The following UBE2L3 variants were observed in gnomAD, a reference collection of about 807,000 sequenced individuals.
UBE2L3 encodes ubiquitin conjugating enzyme E2 L3.
Under a neutral mutation model 17.8 loss-of-function variants are expected in UBE2L3, and 1 was observed. The observed-to-expected ratio is 0.06, with a 90% CI of 0.02 to 0.27. The LOEUF (loss-of-function observed/expected upper bound fraction) is 0.27. Among genes scored for constraint, UBE2L3 ranks in the 10% least tolerant of loss-of-function variants. The probability of loss-of-function intolerance (pLI) is 1.00; values close to 1 mark genes in which losing one functional copy is unlikely to be tolerated. For missense variants in UBE2L3, 40 were observed against 192.6 expected (o/e 0.21, Z 4.69); for synonymous variants, 44 against 68.5 (o/e 0.64, Z 1.76).
chr22:21,597,964 A>ATTTTTTTT (rs35036050), intron 2 of UBE2L3, among the ~76,000 whole-genome samples: 1 of 115,812 alleles, frequency 8.6e-6, no homozygotes. Flanking sequence ...TAATTTTTGT[A>ATTTTTTTT]TTTTTTTTTT....
chr22:21,560,444 C>A (rs1185236045), intron 1 of UBE2L3, among the ~76,000 whole-genome samples: 1 of 135,172 alleles, frequency 7.4e-6, no homozygotes, highest in East Asian at 2.2e-4. Context: ...CCCTTTAGAT[C>A]TATTTTTTTT....
At chr22:21,620,533 G>C (rs773648616) in intron 3 of UBE2L3, among the ~76,000 whole-genome samples, 2 of 152,146 alleles carry the variant, frequency 1.3e-5, no homozygotes, top group Non-Finnish European at 2.9e-5. Flanking sequence ...GGGTCAGGGG[G>C]CAACTGTGGC....
chr22:21,574,663 T>A (rs147393779), intron 1 of UBE2L3, among the ~76,000 whole-genome samples: 4 of 152,274 alleles, frequency 2.6e-5, no homozygotes, highest in Non-Finnish European at 5.9e-5. Flanking sequence ...GTGTGAATGT[T>A]TGTTTAAAAA....
At chr22:21,572,944 A>G (rs1311381680) in intron 1 of UBE2L3, among the ~76,000 whole-genome samples, 1 of 151,946 alleles carries the variant, frequency 6.6e-6, no homozygotes, top group East Asian at 1.9e-4. Context: ...CTGCTGAACT[A>G]TGCCTTCAGT....
intron 1 of UBE2L3, among the ~76,000 whole-genome samples, chr22:21,570,939 T>C (rs1926930702): frequency 6.6e-6 from 1 of 152,230 alleles, no homozygotes; most frequent in Non-Finnish European, 1.5e-5. Context: ...CAAAGATTTC[T>C]TTGTAACAAT....
At chr22:21,576,691 C>T (rs1039478085) in intron 1 of UBE2L3, among the ~76,000 whole-genome samples, 1 of 152,126 alleles carries the variant, frequency 6.6e-6, no homozygotes, top group Admixed American at 6.6e-5. Context: ...ACCTCGGCCT[C>T]CCAAAATTCT....
intron 1 of UBE2L3, among the ~76,000 whole-genome samples, chr22:21,583,554 C>G (rs1927759120): frequency 6.6e-6 from 1 of 152,196 alleles, no homozygotes; most frequent in South Asian, 2.1e-4. Context: ...GGTTATTCTT[C>G]TGCACGTCTG....
chr22:21,574,890 G>A (rs539207360), intron 1 of UBE2L3, among the ~76,000 whole-genome samples: 54 of 151,062 alleles, frequency 3.6e-4, no homozygotes, highest in Non-Finnish European at 6.8e-4. Flanking sequence ...GCTTGAACCT[G>A]AGAGGCAGAG....
chr22:21,556,409 T>C (rs1383278673), intron 1 of UBE2L3, among the ~76,000 whole-genome samples: 15 of 152,230 alleles, frequency 9.9e-5, no homozygotes, highest in Admixed American at 9.2e-4. Flanking sequence ...AAAAGTAAAA[T>C]AAAATAAATT....
intron 1 of UBE2L3, among the ~76,000 whole-genome samples, chr22:21,557,240 G>A (rs1433462609): frequency 7.9e-5 from 12 of 152,124 alleles, no homozygotes; most frequent in Non-Finnish European, 1.3e-4. Context: ...GGTGGTGCAC[G>A]CCTGTAGTCC....
At chr22:21,600,832 G>T (rs1397507443) in intron 2 of UBE2L3, among the ~76,000 whole-genome samples, 2 of 152,114 alleles carry the variant, frequency 1.3e-5, no homozygotes, top group African/African-American at 2.4e-5. Flanking sequence ...CAGATTTTTT[G>T]ATTCAAATAA....
At chr22:21,604,877 G>T (rs895770982) in intron 2 of UBE2L3, among the ~76,000 whole-genome samples, 10 of 152,300 alleles carry the variant, frequency 6.6e-5, no homozygotes, top group African/African-American at 2.4e-4. Context: ...AGATGAGTTT[G>T]GCCAAGTTCC....
Position 21,622,645 on chromosome 22 carries a change from T to C in UBE2L3, c.*976T>C, listed in dbSNP as rs7444. ...CTTGCTCTCCACTTCCTCCGTGCAG[T>C]GGCCCTGCCACAGCCCTCCCTCGGC... On this transcript the variant is annotated 3_prime_UTR_variant, in exon 4 of 4. Coordinates refer to ENST00000342192, the MANE Select transcript of UBE2L3 (RefSeq NM_003347.4). The C allele has an allele frequency of 0.32, 49,392 of 153,146 alleles. 9,374 individuals are homozygous for C. The highest frequency in any genetic ancestry group is 0.5 in the East Asian group (2,678 of 5,394). The allele number at this position is 153,146 out of a possible 1,614,324, so 9.5% of individuals were successfully genotyped here. A position where few individuals can be genotyped will look rare whatever the true frequency, so the allele number is the denominator to read the frequency against.
intron 2 of UBE2L3, among the ~76,000 whole-genome samples, chr22:21,607,874 C>A (rs1373760847): frequency 6.6e-6 from 1 of 152,126 alleles, no homozygotes; most frequent in East Asian, 1.9e-4. Flanking sequence ...CTGTTTCTAC[C>A]CTGGGAAGAT....
At chr22:21,561,999 C>A (rs1211332544) in intron 1 of UBE2L3, among the ~76,000 whole-genome samples, 3 of 152,088 alleles carry the variant, frequency 2.0e-5, no homozygotes, top group African/African-American at 4.8e-5. Flanking sequence ...CCAGCAGAGG[C>A]ACTTTCTTTT....
chr22:21,596,763 A>G (rs1568980779), intron 2 of UBE2L3, among the ~76,000 whole-genome samples: 1 of 152,168 alleles, frequency 6.6e-6, no homozygotes, highest in East Asian at 1.9e-4. Flanking sequence ...CTGGGATTAT[A>G]GGCATAAGCC....
At chr22:21,620,399 CCA>C (rs1601448056) in intron 3 of UBE2L3, among the ~76,000 whole-genome samples, 1 of 152,042 alleles carries the variant, frequency 6.6e-6, no homozygotes, top group African/African-American at 2.4e-5. Context: ...CCACTGCACT[CCA>C]GTCTGAGTGA....
In UBE2L3 at chr22:21,622,646, G is replaced by A. The variant is rs13824; in HGVS notation, c.*977G>A. On this transcript the variant is annotated 3_prime_UTR_variant, in exon 4 of 4. Coordinates refer to ENST00000342192, the MANE Select transcript of UBE2L3 (RefSeq NM_003347.4). ...TTGCTCTCCACTTCCTCCGTGCAGT[G>A]GCCCTGCCACAGCCCTCCCTCGGCA... 3 of 153,200 alleles carry A rather than the reference G, an allele frequency of 2.0e-5. No homozygotes were observed. The highest frequency in any genetic ancestry group is 7.2e-5 in the African/African-American group (3 of 41,434). The allele number at this position is 153,200 out of a possible 1,614,324, so 9.5% of individuals were successfully genotyped here.
At chr22:21,577,122 C>T (rs1028180941) in intron 1 of UBE2L3, among the ~76,000 whole-genome samples, 3 of 152,056 alleles carry the variant, frequency 2.0e-5, no homozygotes, top group African/African-American at 7.2e-5. Flanking sequence ...GCGCTCGCCA[C>T]TACACCCAGC....
Sources: gnomAD v4.1 joint callset for allele counts (sites outside exome capture counted in the v4.1 genomes callset) on GRCh38, gnomAD v4.1.1 for gene constraint, MANE v1.5 for transcripts, NCBI Gene and HGNC (gene_info 2026-07-23, HGNC 2026-07-21) for gene names.